SCAF8: variants seen among roughly 807,000 people sequenced by gnomAD.
SCAF8 encodes SR-related CTD associated factor 8, also known as SR-related and CTD-associated factor 8.
In SCAF8, 23 loss-of-function variants were observed where a neutral mutation model predicts 140.5. The ratio of observed to expected loss-of-function variants is 0.16; its 90% CI spans 0.12 to 0.23. The LOEUF (loss-of-function observed/expected upper bound fraction) is 0.23. Ranked by LOEUF, SCAF8 falls within the 10% of genes least tolerant of loss-of-function variation. The probability of loss-of-function intolerance (pLI) is 1.00; values close to 1 mark genes in which losing one functional copy is unlikely to be tolerated. For synonymous variants in SCAF8, 575 were observed against 528.9 expected (o/e 1.09, Z -1.20); for missense variants, 1,397 against 1,555.7 (o/e 0.90, Z 1.72).
intron 10 of SCAF8, among the ~76,000 whole-genome samples, chr6:154,808,442 T>C (rs561847279): frequency 6.9e-6 from 1 of 144,596 alleles, no homozygotes; most frequent in Admixed American, 6.9e-5. Flanking sequence ...TAAAACAATA[T>C]GAGATTTGTT....
rs1014127993 is a variant in SCAF8, at chr6:154,779,777, GTGTGTA to G, written c.159+1734_159+1739del. 3.3e-5 allele frequency among the ~76,000 whole-genome samples: 3 copies of G among 91,814 alleles called. No homozygotes were observed. In the East Asian group the frequency reaches 3.5e-3, roughly 106 times the overall value. The allele number at this position is 91,814 out of a possible 152,430, so 60.2% of individuals were successfully genotyped here. ...AAATAAGGTGTGTGTGTGTGTGTGT[GTGTGTA>G]TATATATATATATATATACACTTTT... On this transcript the variant is annotated intron_variant, in intron 3 of 19. Transcript: ENST00000367178.
chr6:154,761,427 A>G (rs1293721096), intron 1 of SCAF8, among the ~76,000 whole-genome samples: 1 of 152,174 alleles, frequency 6.6e-6, no homozygotes, highest in Non-Finnish European at 1.5e-5. Context: ...TGGAGGTTAC[A>G]GTGAGCTGAG....
intron 1 of SCAF8, chr6:154,742,079 A>G (rs1778584422): frequency 1.9e-6 from 2 of 1,078,838 alleles, no homozygotes; most frequent in South Asian, 1.3e-5. Context: ...TTCAATTGGT[A>G]GTGGAATAGT....
chr6:154,831,137 T>G lies in SCAF8; in HGVS notation c.2356T>G (p.Ser786Ala). The G allele has an allele frequency of 6.4e-7, 1 of 1,554,154 alleles. No individual in the cohort carries two copies. The highest frequency in any genetic ancestry group is 8.8e-7 in the Non-Finnish European group (1 of 1,133,786). The change falls in exon 19 of 20, where the codon TCA becomes GCA. Residue 786 changes from serine to alanine, a missense_variant. This residue lies in a region of SCAF8 where 930 missense variants were observed against 874.6 expected (regional missense o/e 1.06). Coordinates refer to ENST00000367178, the MANE Select transcript of SCAF8 (RefSeq NM_014892.5). The part of the protein sequence containing the change: ...HQISSGENTR[S>A]VIPNDISSNA... ...GATTTCTTCTGGTGAAAACACCAGA[T>G]CAGGTAAATAATAATAATAAAATTT...
chr6:154,768,072 C>T (rs1776633338), intron 1 of SCAF8, among the ~76,000 whole-genome samples: 3 of 152,120 alleles, frequency 2.0e-5, no homozygotes, highest in South Asian at 4.1e-4. Context: ...AAAGGTATTT[C>T]ATAAAAAGTT....
At chr6:154,811,032 A>G (rs535823239) in intron 12 of SCAF8, among the ~76,000 whole-genome samples, 3 of 152,320 alleles carry the variant, frequency 2.0e-5, no homozygotes, top group African/African-American at 7.2e-5. Flanking sequence ...CCTATAATAA[A>G]AGGCAATAGC....
At chr6:154,760,150 C>G (rs1032311292) in intron 1 of SCAF8, among the ~76,000 whole-genome samples, 1 of 151,876 alleles carries the variant, frequency 6.6e-6, no homozygotes, top group Non-Finnish European at 1.5e-5. Flanking sequence ...AAAAATTAGC[C>G]AGATGTAGTG....
At chr6:154,756,939 G>T (rs116028505) in intron 1 of SCAF8, among the ~76,000 whole-genome samples, 5 of 152,108 alleles carry the variant, frequency 3.3e-5, no homozygotes, top group Non-Finnish European at 7.4e-5. Flanking sequence ...GAGGTGGATC[G>T]CTTGAGCCTG....
chr6:154,768,554 AT>A (rs1376624729), intron 1 of SCAF8, among the ~76,000 whole-genome samples: 1 of 152,166 alleles, frequency 6.6e-6, no homozygotes, highest in Admixed American at 6.5e-5. Context: ...TTAATACTTC[AT>A]CTTTAACATT....
chr6:154,797,594 C>T (rs1317036813), intron 6 of SCAF8, among the ~76,000 whole-genome samples: 6 of 151,334 alleles, frequency 4.0e-5, no homozygotes, highest in East Asian at 1.9e-4. Context: ...CAGGGTTTCA[C>T]CGTGTTAGCC....
chr6:154,812,872 G>C (rs1240870186), intron 12 of SCAF8, among the ~76,000 whole-genome samples: 1 of 151,982 alleles, frequency 6.6e-6, no homozygotes, highest in African/African-American at 2.4e-5. Flanking sequence ...GGAGATTAAG[G>C]CAGCTGGAAT....
chr6:154,775,253 C>T (rs11961890), intron 2 of SCAF8, among the ~76,000 whole-genome samples: 9,214 of 152,000 alleles, frequency 0.061, 798 homozygotes, highest in African/African-American at 0.2. Context: ...TCAGAGAGAA[C>T]GACAGTAACT....
chr6:154,735,667 C>A (rs895606992), intron 1 of SCAF8, among the ~76,000 whole-genome samples: 5 of 151,902 alleles, frequency 3.3e-5, no homozygotes, highest in African/African-American at 1.2e-4. Flanking sequence ...GCGCACATCA[C>A]CACGCCCCGC....
At chr6:154,782,156 C>T (rs1164478388) in intron 3 of SCAF8, among the ~76,000 whole-genome samples, 1 of 152,158 alleles carries the variant, frequency 6.6e-6, no homozygotes, top group Non-Finnish European at 1.5e-5. Context: ...CTGGCTCATG[C>T]CTACAGTCTA....
chr6:154,738,205 A>G (rs1297793778), intron 1 of SCAF8, among the ~76,000 whole-genome samples: 1 of 152,048 alleles, frequency 6.6e-6, no homozygotes. Context: ...CAAAAAAAAA[A>G]AAAAGAAAAG....
In SCAF8 at chr6:154,795,120, A is replaced by G. The variant is rs200280835; in HGVS notation, c.587A>G (p.Gln196Arg). The G allele has an allele frequency of 1.2e-6, 2 of 1,609,294 alleles. No homozygotes were observed. Among genetic ancestry groups the G allele is most frequent in the South Asian group, 1.1e-5 (1 of 90,164 alleles). ...CTTGCGGCTGTAGCTCAGATCTTGC[A>G]AAGTCCTCAAGGCCAGCAGGTGAGC... ...DTLAAVAQIL[Q>R]SPQGQQLQQL... The change falls in exon 6 of 20, where the codon CAA (glutamine) becomes CGA (arginine). Residue 196 changes from glutamine to arginine, a missense_variant. Physicochemically the swap from Gln to Arg is conservative, Grantham distance 43 (BLOSUM62 1). Around this residue, in one of 5 missense-constraint regions of SCAF8, gnomAD observed 339 missense variants for 407.5 expected, o/e 0.83. Transcript: ENST00000367178.
At chr6:154,814,734 C>G (rs1336920209) in intron 12 of SCAF8, among the ~76,000 whole-genome samples, 1 of 152,174 alleles carries the variant, frequency 6.6e-6, no homozygotes, top group East Asian at 1.9e-4. Context: ...AAATAAATGT[C>G]TTCTGTAAAA....
chr6:154,777,316 A>G (rs1358597241), intron 2 of SCAF8, among the ~76,000 whole-genome samples: 3 of 152,204 alleles, frequency 2.0e-5, no homozygotes, highest in African/African-American at 7.2e-5. Flanking sequence ...CGCTAAATTT[A>G]TAATTTATTT....
At chr6:154,815,020 G>A (rs1027922152) in intron 12 of SCAF8, among the ~76,000 whole-genome samples, 4 of 152,306 alleles carry the variant, frequency 2.6e-5, no homozygotes, top group East Asian at 1.9e-4. Context: ...TTCACAGGCC[G>A]GGTGCGGTGG....
Sources: gnomAD v4.1 joint callset for allele counts (sites outside exome capture counted in the v4.1 genomes callset) on GRCh38, gnomAD v4.1.1 for gene constraint, gnomAD v4.1.1 regional missense constraint, MANE v1.5 for transcripts, NCBI Gene and HGNC (gene_info 2026-07-23, HGNC 2026-07-21) for gene names.